The following ARHGEF4 variants were observed in gnomAD, a reference collection of about 807,000 sequenced individuals.
ARHGEF4 encodes APC-stimulated guanine nucleotide exchange factor 1.
ARHGEF4 carries 119 observed loss-of-function variants against 162.0 expected under a neutral mutation model. That is an observed-to-expected ratio of 0.73 (90% CI 0.63 to 0.86). ARHGEF4 has a LOEUF of 0.86. ARHGEF4 is among the 40% of genes least tolerant of loss of function. The pLI is 0.00. For synonymous variants in ARHGEF4, 1,014 were observed against 979.9 expected (o/e 1.03, Z -0.65); for missense variants, 2,488 against 2,456.0 (o/e 1.01, Z -0.28).
intron 1 of ARHGEF4, among the ~76,000 whole-genome samples, chr2:130,871,380 A>T (rs1196524738): frequency 1.3e-5 from 2 of 152,014 alleles, no homozygotes; most frequent in African/African-American, 4.8e-5. Flanking sequence ...TACTAAAAAT[A>T]CAAAAATTAG....
At chr2:130,973,081 A>G (rs906651761) in intron 4 of ARHGEF4, among the ~76,000 whole-genome samples, 6 of 152,282 alleles carry the variant, frequency 3.9e-5, no homozygotes, top group Admixed American at 2.0e-4. Context: ...AGCTCTAAAC[A>G]TCTGTATATT....
intron 4 of ARHGEF4, among the ~76,000 whole-genome samples, chr2:130,991,933 CTT>C (rs1321585887): frequency 1.3e-5 from 2 of 152,208 alleles, no homozygotes; most frequent in African/African-American, 4.8e-5. Context: ...CGTGGAGAAT[CTT>C]TATGTCTAGC....
intron 3 of ARHGEF4, among the ~76,000 whole-genome samples, chr2:130,932,649 TTATC>T (rs1348876264): frequency 6.6e-6 from 1 of 152,244 alleles, no homozygotes; most frequent in Non-Finnish European, 1.5e-5. Flanking sequence ...GAAATCTACT[TTATC>T]TATTTTTTTT....
intron 2 of ARHGEF4, among the ~76,000 whole-genome samples, chr2:130,924,508 C>A (rs896154963): frequency 6.6e-6 from 1 of 152,124 alleles, no homozygotes; most frequent in African/African-American, 2.4e-5. Context: ...CCTTGTGATC[C>A]GCCCAGACCG....
chr2:131,037,676 TC>T (rs140339975), intron 5 of ARHGEF4, among the ~76,000 whole-genome samples: 7,848 of 152,202 alleles, frequency 0.052, 285 homozygotes, highest in South Asian at 0.085. Flanking sequence ...CAGAAACAGA[TC>T]CCATGTTAGG....
chr2:130,998,036 C>T (rs1687518061), intron 4 of ARHGEF4, among the ~76,000 whole-genome samples: 5 of 152,190 alleles, frequency 3.3e-5, no homozygotes, highest in Admixed American at 3.3e-4. Context: ...ACCACCACTT[C>T]TGGAGTCACA....
intron 4 of ARHGEF4, among the ~76,000 whole-genome samples, chr2:130,976,032 A>G (rs1243690478): frequency 6.6e-6 from 1 of 152,136 alleles, no homozygotes; most frequent in East Asian, 1.9e-4. Flanking sequence ...GGAGTAGCCC[A>G]GGGTCGACCT....
At position 130,914,567 on chromosome 2, in the gene ARHGEF4, G is replaced by C. The variant is rs894077690; in HGVS notation, c.621G>C (p.Gly207=). The part of the protein sequence containing the change: ...VQGVAVQDLR[G]LSSVSLQKSR... ...GGGTGGCTGTTCAAGACCTCAGAGG[G>C]CTCTCCAGTGTTTCTCTTCAGAAAT... The change falls in exon 2 of 14, where the codon GGG becomes GGC. Residue 207 remains glycine, a synonymous_variant. Coordinates refer to ENST00000409359, the MANE Select transcript of ARHGEF4 (RefSeq NM_001367493.1). 2 of 1,399,916 alleles carry C rather than the reference G, an allele frequency of 1.4e-6. No individual in the cohort carries two copies. Among genetic ancestry groups the C allele is most frequent in the Non-Finnish European group, 1.8e-6 (2 of 1,083,470 alleles). The allele number at this position is 1,399,916 out of a possible 1,614,324, so 86.7% of individuals were successfully genotyped here.
rs187547470 is a variant in ARHGEF4 at position 130,837,729 on chromosome 2, G to T, written c.39+737G>T. ...GAGCCAGCGGGAGGGCGGTTGCGAC[G>T]CTGGGTGGTGCTGAGCTCCGATGGG... On this transcript the variant is annotated intron_variant, in intron 1 of 13. Coordinates refer to ENST00000409359, the MANE Select transcript of ARHGEF4 (RefSeq NM_001367493.1). The T allele has an allele frequency of 1.3e-5, 5 of 387,576 alleles. No homozygotes were observed. In the East Asian group the frequency reaches 4.6e-4, roughly 36 times the overall value. The allele number at this position is 387,576 out of a possible 1,614,324, so 24.0% of individuals were successfully genotyped here. A position where few individuals can be genotyped will look rare whatever the true frequency, so the allele number is the denominator to read the frequency against.
intron 4 of ARHGEF4, among the ~76,000 whole-genome samples, chr2:131,003,869 A>C (rs569552392): frequency 4.6e-4 from 70 of 152,298 alleles, no homozygotes; most frequent in African/African-American, 1.6e-3. Flanking sequence ...AAAGAACTTA[A>C]CTAGGGTAAC....
Position 131,003,934 on chromosome 2 carries a change from G to A in ARHGEF4, c.3986-24011G>A, listed in dbSNP as rs570243910. 4.6e-5 allele frequency among the ~76,000 whole-genome samples: 7 copies of A among 152,254 alleles called. No individual in the cohort carries two copies. The South Asian group carries it at 8.3e-4, about 18-fold the overall frequency. On this transcript the variant is annotated intron_variant, in intron 4 of 13. Coordinates refer to ENST00000409359, the MANE Select transcript of ARHGEF4 (RefSeq NM_001367493.1). ...CAGGGACCCTTCACAAGTTTTCACC[G>A]AAACAGGACTTTTAAAAAAATCCTA...
In ARHGEF4 at chr2:130,915,670, AC is replaced by A. The variant is rs947180217; in HGVS notation, c.1728del (p.Asn577ThrfsTer58). 6 of 1,550,250 alleles carry A rather than the reference AC, an allele frequency of 3.9e-6. No homozygotes were observed. In the African/African-American group the frequency reaches 5.5e-5, roughly 14 times the overall value. On this transcript the variant is annotated frameshift_variant, in exon 2 of 14. Coordinates refer to ENST00000409359, the MANE Select transcript of ARHGEF4 (RefSeq NM_001367493.1). LOFTEE classifies it high-confidence loss of function. ...SKAAEEAMVLDPNYREQALQG... is the reference protein window; with the variant it reads ...SKAAEEAMVLXPNYREQALQG... ...GCAGCCGAAGAAGCCATGGTTCTAG[AC>A]CCCAACTACAGGGAACAGGCTTTGC... is the stretch of plus-strand genomic sequence containing the variant.
intron 1 of ARHGEF4, among the ~76,000 whole-genome samples, chr2:130,839,663 T>A (rs1680468392): frequency 6.6e-6 from 1 of 151,952 alleles, no homozygotes; most frequent in Non-Finnish European, 1.5e-5. Context: ...AGCAAATGAG[T>A]CAGAGGAGCA....
Position 131,044,538 on chromosome 2 carries a change from G to A in ARHGEF4, c.5397G>A (p.Glu1799=), listed in dbSNP as rs1327550363. The A allele has an allele frequency of 6.5e-7, 1 of 1,550,082 alleles. No homozygotes were observed. Among genetic ancestry groups the A allele is most frequent in the South Asian group, 1.2e-5 (1 of 84,054 alleles). Residue 1799 remains glutamate (E), a synonymous_variant, in exon 12 of 14, where the codon GAG becomes GAA. Coordinates refer to ENST00000409359, the MANE Select transcript of ARHGEF4 (RefSeq NM_001367493.1). ...GGGAGCAGGTGCAGCTGGACCAGGA[G>A]ACAGGTTCGAGACCCTGCTGGGCCT... The part of the protein sequence containing the change: ...REREQVQLDQ[E]TGFSITELQR...
intron 4 of ARHGEF4, among the ~76,000 whole-genome samples, chr2:130,988,285 G>A (rs1427416136): frequency 6.6e-6 from 1 of 152,170 alleles, no homozygotes; most frequent in Admixed American, 6.5e-5. Flanking sequence ...TGCCAGCCTT[G>A]GAAGACCAGA....
At chr2:131,010,402 G>A (rs896223166) in intron 4 of ARHGEF4, among the ~76,000 whole-genome samples, 3 of 152,148 alleles carry the variant, frequency 2.0e-5, no homozygotes, top group African/African-American at 7.2e-5. Context: ...TTTTTTCCCA[G>A]TAGGTATAAT....
chr2:131,021,655 C>T (rs1346883574), intron 4 of ARHGEF4, among the ~76,000 whole-genome samples: 2 of 152,134 alleles, frequency 1.3e-5, no homozygotes, highest in Admixed American at 6.6e-5. Context: ...TAAAGAGCTT[C>T]TTTATTTCTT....
chr2:130,953,444 G>A lies in ARHGEF4; in HGVS notation c.3985+6809G>A, dbSNP rs559920282. Reference sequence around the variant, plus strand: ...AAACTTAAATGTTAGACCTAAAATCGTAAAAGCCCTAGAAGAAAACCTAAG... The same window carrying A: ...AAACTTAAATGTTAGACCTAAAATCATAAAAGCCCTAGAAGAAAACCTAAG... On this transcript the variant is annotated intron_variant, in intron 4 of 13. Coordinates refer to ENST00000409359, the MANE Select transcript of ARHGEF4 (RefSeq NM_001367493.1). Among the ~76,000 whole-genome samples, 254 of 152,174 alleles carry A rather than the reference G, an allele frequency of 1.7e-3. 1 individual carries two copies. Among genetic ancestry groups the A allele is most frequent in the Middle Eastern group, 3.4e-3 (1 of 294 alleles).
Position 131,018,834 on chromosome 2 carries a change from C to T in ARHGEF4, c.3986-9111C>T, listed in dbSNP as rs541667532. On this transcript the variant is annotated intron_variant, in intron 4 of 13. Transcript: ENST00000409359. ...GGATATCCAGCTTCCCAACACTGTTCGCTGTAAAGACTGTCTTTTCCCTCA... is the reference window on the plus strand; with the variant it reads ...GGATATCCAGCTTCCCAACACTGTTTGCTGTAAAGACTGTCTTTTCCCTCA... 1.4e-3 allele frequency among the ~76,000 whole-genome samples: 214 copies of T among 152,252 alleles called. 1 individual carries two copies. Among genetic ancestry groups the T allele is most frequent in the African/African-American group, 4.5e-3 (186 of 41,540 alleles).
Sources: allele counts gnomAD v4.1 joint callset (sites outside exome capture counted in the v4.1 genomes callset), GRCh38; gene constraint gnomAD v4.1.1; transcripts MANE v1.5; gene names NCBI Gene and HGNC (gene_info 2026-07-23, HGNC 2026-07-21).